The following CEP112 variants were observed in gnomAD, a reference collection of about 807,000 sequenced individuals.
CEP112 encodes the protein centrosomal protein 112, also known as centrosomal protein of 112 kDa.
A neutral mutation model predicts 153.0 loss-of-function variants in CEP112; 127 were observed. The observed-to-expected ratio is 0.83, with a 90% CI of 0.72 to 0.96. The LOEUF (loss-of-function observed/expected upper bound fraction) is 0.96. Among genes scored for constraint, CEP112 ranks in the 40% least tolerant of loss-of-function variants. The pLI is 0.00. For synonymous variants in CEP112, 358 were observed against 374.4 expected (o/e 0.96, Z 0.51); for missense variants, 1,089 against 1,101.2 (o/e 0.99, Z 0.16).
intron 17 of CEP112, among the ~76,000 whole-genome samples, chr17:65,971,054 C>T (rs185477086): frequency 6.6e-5 from 10 of 152,290 alleles, no homozygotes; most frequent in Non-Finnish European, 1.3e-4. Context: ...TATTACATGT[C>T]TATTACATAC....
intron 2 of CEP112, 111 bp from the exon 3 acceptor site, chr17:66,177,131 T>C: frequency 1.2e-6 from 1 of 845,612 alleles, no homozygotes; most frequent in Non-Finnish European, 1.8e-6. Context: ...CCAACAAACC[T>C]TTTCTGTTAA....
intron 17 of CEP112, among the ~76,000 whole-genome samples, chr17:65,977,803 G>A (rs971471349): frequency 1.3e-5 from 2 of 152,138 alleles, no homozygotes; most frequent in Non-Finnish European, 2.9e-5. Context: ...GGCCAGGTGC[G>A]GTGGCTCACA....
chr17:65,667,178 C>A lies in CEP112; in HGVS notation c.2697+21951G>T, dbSNP rs1446786957. On this transcript the variant is annotated intron_variant, in intron 24 of 26. Coordinates refer to ENST00000535342, the MANE Select transcript of CEP112 (RefSeq NM_001199165.4). Reference sequence around the variant, plus strand: ...CCTTTTATAAAGTGAGGGATTAGTGCCACCTTCTTTGTAGCAATGTCGTGA... The same window carrying A: ...CCTTTTATAAAGTGAGGGATTAGTGACACCTTCTTTGTAGCAATGTCGTGA... 2.0e-5 allele frequency among the ~76,000 whole-genome samples: 3 copies of A among 152,106 alleles called. No homozygotes were observed. The East Asian group carries it at 5.8e-4, about 29-fold the overall frequency.
intron 16 of CEP112, 23 bp from the exon 17 acceptor site, chr17:66,005,792 A>C (rs2064249702): frequency 6.3e-7 from 1 of 1,586,944 alleles, no homozygotes; most frequent in African/African-American, 1.4e-5. Context: ...GAACATGGAA[A>C]ATTTATTGGA....
intron 24 of CEP112, chr17:65,644,299 A>C: frequency 1.7e-6 from 1 of 575,964 alleles, no homozygotes; most frequent in Non-Finnish European, 3.1e-6. Context: ...GGCACTCGGC[A>C]AGAAGGCCAT....
chr17:65,637,193 A>G lies in CEP112; in HGVS notation c.2800-5T>C, dbSNP rs754344297. On this transcript the variant is annotated splice_polypyrimidine_tract_variant and splice_region_variant and intron_variant, in intron 25 of 26. Transcript: ENST00000535342. The stretch of plus-strand genomic sequence containing the variant: ...TCTCTTTTGCAGAAAATTAACCTAG[A>G]AAAGACACCTTGTGTGAGAAGAGGT... The G allele has an allele frequency of 6.8e-6, 11 of 1,611,324 alleles. No homozygotes were observed. Among genetic ancestry groups the G allele is most frequent in the Non-Finnish European group, 9.3e-6 (11 of 1,177,442 alleles).
chr17:66,085,753 C>T (rs1023214041), intron 8 of CEP112, among the ~76,000 whole-genome samples: 11 of 152,054 alleles, frequency 7.2e-5, no homozygotes, highest in African/African-American at 1.9e-4. Context: ...CCGAGGCAGG[C>T]GGATCACGAG....
intron 23 of CEP112, among the ~76,000 whole-genome samples, chr17:65,707,879 C>T (rs1389023621): frequency 1.3e-5 from 2 of 152,088 alleles, no homozygotes; most frequent in Non-Finnish European, 2.9e-5. Flanking sequence ...TTCCAAACAC[C>T]CAGCATACTT....
In CEP112 at chr17:65,646,251, A is replaced by C. The variant is rs556614333; in HGVS notation, c.2698-5186T>G. Among the ~76,000 whole-genome samples the C allele has an allele frequency of 5.3e-5, 8 of 152,322 alleles. No individual in the cohort carries two copies. In the South Asian group the frequency reaches 1.7e-3, roughly 32 times the overall value. ...ATTTATTGAAGATTCGTGCATTTAT[A>C]CTTCCTGTCTACTCCTTTATTCTTA... On this transcript the variant is annotated intron_variant, in intron 24 of 26. Transcript: ENST00000535342.
At chr17:65,715,507 G>C (rs2144771692) in intron 23 of CEP112, among the ~76,000 whole-genome samples, 1 of 152,140 alleles carries the variant, frequency 6.6e-6, no homozygotes, top group African/African-American at 2.4e-5. Context: ...CTGGAGTGCA[G>C]TGGTGTGATC....
intron 24 of CEP112, among the ~76,000 whole-genome samples, chr17:65,648,459 G>C (rs550384541): frequency 6.6e-6 from 1 of 152,156 alleles, no homozygotes; most frequent in African/African-American, 2.4e-5. Context: ...TCCAAGGCAC[G>C]GCACTGACAC....
chr17:66,078,346 A>T (rs944629256), intron 8 of CEP112, among the ~76,000 whole-genome samples: 2 of 147,452 alleles, frequency 1.4e-5, no homozygotes. Context: ...GCAACTCTGC[A>T]TTCCTGGTTC....
intron 16 of CEP112, 39 bp from the exon 17 acceptor site, chr17:66,005,808 A>T (rs1188356871): frequency 6.5e-7 from 1 of 1,548,406 alleles, no homozygotes. Context: ...TTGGAAGACG[A>T]GTAAAGTTTA....
chr17:66,040,037 C>T (rs2065904063), intron 12 of CEP112, among the ~76,000 whole-genome samples: 2 of 152,138 alleles, frequency 1.3e-5, no homozygotes, highest in South Asian at 2.1e-4. Flanking sequence ...TTTTATGATG[C>T]ACACATGTAC....
intron 20 of CEP112, among the ~76,000 whole-genome samples, chr17:65,877,917 G>A (rs956972608): frequency 7.9e-5 from 12 of 152,040 alleles, no homozygotes; most frequent in African/African-American, 2.4e-4. Context: ...AGGATATTAC[G>A]CCAAGTGAAA....
intron 8 of CEP112, among the ~76,000 whole-genome samples, chr17:66,080,560 G>T (rs2067676297): frequency 1.3e-5 from 2 of 152,188 alleles, no homozygotes; most frequent in Non-Finnish European, 2.9e-5. Flanking sequence ...TTACGCTGTT[G>T]GTGGGAGTGT....
At chr17:65,760,808 T>A (rs2052566827) in intron 21 of CEP112, among the ~76,000 whole-genome samples, 1 of 152,064 alleles carries the variant, frequency 6.6e-6, no homozygotes, top group Non-Finnish European at 1.5e-5. Context: ...TTGAAAGAGA[T>A]TGTAGAGGAT....
At chr17:66,044,205 A>G (rs1051400472) in intron 12 of CEP112, among the ~76,000 whole-genome samples, 1 of 151,966 alleles carries the variant, frequency 6.6e-6, no homozygotes, top group African/African-American at 2.4e-5. Context: ...TGTGAATGAT[A>G]TTTCTCTCAA....
intron 17 of CEP112, among the ~76,000 whole-genome samples, chr17:65,964,077 T>C (rs1291324724): frequency 6.6e-6 from 1 of 152,196 alleles, no homozygotes; most frequent in Non-Finnish European, 1.5e-5. Context: ...AGTAACTGCA[T>C]TTTGCAGCAA....
Sources: gnomAD v4.1 joint callset for allele counts (sites outside exome capture counted in the v4.1 genomes callset) on GRCh38, gnomAD v4.1.1 for gene constraint, MANE v1.5 for transcripts, NCBI Gene and HGNC (gene_info 2026-07-23, HGNC 2026-07-21) for gene names.